COL16A1: variants seen among roughly 807,000 people sequenced by gnomAD.
COL16A1 encodes the protein collagen alpha-1(XVI) chain.
A neutral mutation model predicts 266.3 loss-of-function variants in COL16A1; 189 were observed. The ratio of observed to expected loss-of-function variants is 0.71; its 90% CI spans 0.63 to 0.80. COL16A1 has a LOEUF of 0.80. COL16A1 is among the 30% of genes least tolerant of loss of function. The probability of loss-of-function intolerance (pLI) is 0.00; values close to 1 mark genes in which losing one functional copy is unlikely to be tolerated. For missense variants in COL16A1, 1,928 were observed against 2,122.4 expected, an observed-to-expected ratio of 0.91 and a Z score of 1.80; for synonymous variants, 740 against 782.3, an observed-to-expected ratio of 0.95 and a Z score of 0.90.
At position 31,658,575 on chromosome 1, in the gene COL16A1, A is replaced by G. The variant is rs1415649445; in HGVS notation, c.3933T>C (p.Gly1311=). The G allele has an allele frequency of 6.2e-7, 1 of 1,601,174 alleles. No individual in the cohort carries two copies. Among genetic ancestry groups the G allele is most frequent in the Non-Finnish European group, 8.5e-7 (1 of 1,175,018 alleles). The change falls in exon 64 of 71, where the codon GGT becomes GGC. Residue 1311 remains glycine, a splice_region_variant and synonymous_variant. Coordinates refer to ENST00000373672, the MANE Select transcript of COL16A1 (RefSeq NM_001856.4). ...QPGPAGISAV[G]LKGDRGATGE... is the part of the protein sequence containing the mutation. ...CGGTGGCTCCTCGGTCTCCTTTCAG[A>G]CCCTAGAGAATAGGAAGGGGGACAG...
chr1:31,660,426 G>A (rs974317721), intron 62 of COL16A1, among the ~76,000 whole-genome samples, 159 bp downstream of exon 62: 12 of 152,198 alleles, frequency 7.9e-5, no homozygotes, highest in South Asian at 2.1e-4. Context: ...AGAAAATAAC[G>A]AAAAGCCTGG....
In COL16A1 at chr1:31,688,320, T is replaced by C. The variant is rs1208016278; in HGVS notation, c.1803+147A>G. 1.1e-6 allele frequency: 1 copy of C among 887,462 alleles called. No homozygotes were observed. Among genetic ancestry groups the C allele is most frequent in the African/African-American group, 1.7e-5 (1 of 60,322 alleles). 55.0% of individuals were successfully genotyped at this position (887,462 alleles called of 1,614,324 possible). A position where few individuals can be genotyped will look rare whatever the true frequency, so the allele number is the denominator to read the frequency against. On this transcript the variant is annotated intron_variant, in intron 26 of 70. Coordinates refer to ENST00000373672, the MANE Select transcript of COL16A1 (RefSeq NM_001856.4). The surrounding 1 kb of genome is among the most constrained non-coding windows in gnomAD (Gnocchi z 4.9). The stretch of plus-strand genomic sequence containing the variant: ...TCAGAAATAAATTCTTTGACTCAAG[T>C]CTGCAAAACACTAGTAAATTAATTT...
chr1:31,675,542 T>TC (rs1379883616), intron 42 of COL16A1, among the ~76,000 whole-genome samples: 1 of 152,202 alleles, frequency 6.6e-6, no homozygotes, highest in Non-Finnish European at 1.5e-5. Flanking sequence ...GCAAGTGTTT[T>TC]CCCCCCACAT....
At position 31,685,141 on chromosome 1, in the gene COL16A1, G is replaced by A. The variant is rs774981449; in HGVS notation, c.2017-285C>T. Among the ~76,000 whole-genome samples the A allele has an allele frequency of 4.6e-5, 7 of 152,158 alleles. No individual in the cohort carries two copies. The highest frequency in any genetic ancestry group is 8.8e-5 in the Non-Finnish European group (6 of 68,040). The stretch of plus-strand genomic sequence containing the variant: ...TTCTGCCCTGTAGGGATCCTGTGAG[G>A]TTAGACAAGCTAATATGTCGTGTGC... On this transcript the variant is annotated intron_variant, in intron 29 of 70. Transcript: ENST00000373672. This position sits in a 1 kb window ranked among gnomAD's most constrained non-coding sequence, Gnocchi z 4.0.
chr1:31,658,133 G>A (rs1641330865), intron 64 of COL16A1, among the ~76,000 whole-genome samples: 1 of 152,244 alleles, frequency 6.6e-6, no homozygotes, highest in Non-Finnish European at 1.5e-5. Context: ...GGAAGTTACA[G>A]TAACAGCACT....
At chr1:31,682,039 A>G (rs1259006318) in intron 37 of COL16A1, among the ~76,000 whole-genome samples, 1 of 152,218 alleles carries the variant, frequency 6.6e-6, no homozygotes, top group African/African-American at 2.4e-5. Context: ...AACATTACCA[A>G]AAGCCCAAGA....
intron 70 of COL16A1, 170 bp downstream of exon 70, chr1:31,653,429 C>T (rs1164267509): frequency 5.2e-6 from 4 of 772,594 alleles, no homozygotes; most frequent in Non-Finnish European, 8.0e-6. Flanking sequence ...TCCGCCCCCA[C>T]ATCCCCACAG....
chr1:31,680,911 TC>T lies in COL16A1; in HGVS notation c.2603del (p.Gly868GlufsTer173). On this transcript the variant is annotated frameshift_variant, in exon 39 of 71. Transcript: ENST00000373672. LOFTEE classifies it high-confidence loss of function. ...RGTPGEKGPR[G>X]EKGEPGECSC... is the part of the protein sequence containing the mutation. ...ACAGGCCCTTGGAACTCACCTTCTC[TC>T]CTCGTGGTCCTTTTTCACCCTGCAG... The T allele has an allele frequency of 6.2e-7, 1 of 1,614,156 alleles. No individual in the cohort carries two copies.
chr1:31,656,981 C>G lies in COL16A1; in HGVS notation c.4056+52G>C. The G allele has an allele frequency of 6.2e-7, 1 of 1,612,812 alleles. No homozygotes were observed. The highest frequency in any genetic ancestry group is 8.5e-7 in the Non-Finnish European group (1 of 1,178,896). On this transcript the variant is annotated intron_variant, in intron 65 of 70. Transcript: ENST00000373672. The surrounding 1 kb of genome is among the most constrained non-coding windows in gnomAD (Gnocchi z 4.2). ...AAAATGAAGAGGGGTCAGGGCAAGG[C>G]GAGGAGCAAGAAGCACCCCCAAGGA...
In COL16A1 at chr1:31,690,694, C is replaced by T. The variant is rs975235412; in HGVS notation, c.1438-121G>A. 2.1e-6 allele frequency: 3 copies of T among 1,457,828 alleles called. No homozygotes were observed. The African/African-American group carries it at 4.2e-5, about 21-fold the overall frequency. The allele number at this position is 1,457,828 out of a possible 1,614,324, so 90.3% of individuals were successfully genotyped here. A position where few individuals can be genotyped will look rare whatever the true frequency, so the allele number is the denominator to read the frequency against. On this transcript the variant is annotated intron_variant, in intron 20 of 70. Transcript: ENST00000373672. Reference sequence around the variant, plus strand: ...ACAATCGTTGCCAAATCTCTTGTTGCCATTTGTTCCATTCGGTCGGTTCCT... The same window carrying T: ...ACAATCGTTGCCAAATCTCTTGTTGTCATTTGTTCCATTCGGTCGGTTCCT...
chr1:31,687,093 G>A (rs559285792), intron 26 of COL16A1, among the ~76,000 whole-genome samples: 11 of 152,236 alleles, frequency 7.2e-5, no homozygotes, highest in African/African-American at 2.2e-4. Context: ...TTAAACTACC[G>A]GGTGAAGGCT....
chr1:31,689,128 G>A (rs1428801586), intron 23 of COL16A1, 43 bp from the exon 24 acceptor site: 2 of 1,612,364 alleles, frequency 1.2e-6, no homozygotes, highest in Non-Finnish European at 1.7e-6. Flanking sequence ...GGGCACGATG[G>A]GGCACCCCCA....
Position 31,690,440 on chromosome 1 carries a change from G to T in COL16A1, c.1483-47C>A, listed in dbSNP as rs760928353. Reference sequence around the variant, plus strand: ...GCATCAGTGCCAGGGCAGAGGGCTGGTGTGCCAACTGAGGGCCGGAGGACC... The same window carrying T: ...GCATCAGTGCCAGGGCAGAGGGCTGTTGTGCCAACTGAGGGCCGGAGGACC... On this transcript the variant is annotated intron_variant, in intron 21 of 70. Transcript: ENST00000373672. 6 of 1,614,076 alleles carry T rather than the reference G, an allele frequency of 3.7e-6. No individual in the cohort carries two copies. In the Admixed American group the frequency reaches 8.3e-5, roughly 22 times the overall value.
chr1:31,691,974 G>C, intron 17 of COL16A1, 31 bp downstream of exon 17: 1 of 1,613,522 alleles, frequency 6.2e-7, no homozygotes, highest in Non-Finnish European at 8.5e-7. Flanking sequence ...CGTGCTGTGG[G>C]TTGTGGTGGG....
At chr1:31,662,539 T>A in intron 57 of COL16A1, 48 bp downstream of exon 57, 1 of 1,549,022 alleles carries the variant, frequency 6.5e-7, no homozygotes, top group African/African-American at 1.4e-5. Context: ...ACCACACACA[T>A]GCGCATGCAT....
chr1:31,703,401 C>T (rs1006510697), intron 1 of COL16A1, among the ~76,000 whole-genome samples: 1 of 152,160 alleles, frequency 6.6e-6, no homozygotes, highest in African/African-American at 2.4e-5. Flanking sequence ...TGCCCCCAGC[C>T]TGCCTATTCA....
chr1:31,683,559 C>A (rs1272954490), intron 34 of COL16A1, 148 bp downstream of exon 34: 1 of 1,565,342 alleles, frequency 6.4e-7, no homozygotes, highest in Admixed American at 1.7e-5. Context: ...CAACAGCAGG[C>A]CAGGGCTGCG....
In COL16A1 at chr1:31,694,407, G is replaced by A. The variant is rs114939418; in HGVS notation, c.982-237C>T. Among the ~76,000 whole-genome samples the A allele has an allele frequency of 2.6e-5, 4 of 152,276 alleles. No individual in the cohort carries two copies. The East Asian group carries it at 5.8e-4, about 22-fold the overall frequency. On this transcript the variant is annotated intron_variant, in intron 11 of 70. Coordinates refer to ENST00000373672, the MANE Select transcript of COL16A1 (RefSeq NM_001856.4). ...AAACTGCCTGGCTTTGGTTAGCTCC[G>A]CCTCCCAGTTGCTGGGATAACATGG...
chr1:31,670,654 G>A lies in COL16A1; in HGVS notation c.3151-8C>T, dbSNP rs1642588412. On this transcript the variant is annotated splice_polypyrimidine_tract_variant and splice_region_variant and intron_variant, in intron 48 of 70. Coordinates refer to ENST00000373672, the MANE Select transcript of COL16A1 (RefSeq NM_001856.4). The surrounding 1 kb of genome is among the most constrained non-coding windows in gnomAD (Gnocchi z 4.5). ...AGGAAAACCTGGGGGGCCCTGGTGGGAGAAACAGGCAGGTCACATCTCACA... is the reference window on the plus strand; with the variant it reads ...AGGAAAACCTGGGGGGCCCTGGTGGAAGAAACAGGCAGGTCACATCTCACA... 8.4e-6 allele frequency: 12 copies of A among 1,435,404 alleles called. No individual in the cohort carries two copies. The South Asian group carries it at 9.2e-5, about 11-fold the overall frequency. The allele number at this position is 1,435,404 out of a possible 1,614,324, so 88.9% of individuals were successfully genotyped here.
Sources: allele counts gnomAD v4.1 joint callset (sites outside exome capture counted in the v4.1 genomes callset), GRCh38; gene constraint gnomAD v4.1.1; non-coding constraint Gnocchi (gnomAD v3.1); transcripts MANE v1.5; gene names NCBI Gene and HGNC (gene_info 2026-07-23, HGNC 2026-07-21).